ANKRD44: variants seen among roughly 807,000 people sequenced by gnomAD.
ANKRD44 encodes the protein ankyrin repeat domain 44.
Under a neutral mutation model 116.0 loss-of-function variants are expected in ANKRD44, and 35 were observed. The observed-to-expected ratio is 0.30, with a 90% CI of 0.23 to 0.40. The LOEUF (loss-of-function observed/expected upper bound fraction) is 0.40, where lower values mean the gene tolerates loss of function less well. Ranked by LOEUF, ANKRD44 falls within the 10% of genes least tolerant of loss-of-function variation. The probability of loss-of-function intolerance (pLI) is 1.00; values close to 1 mark genes in which losing one functional copy is unlikely to be tolerated. For synonymous variants in ANKRD44, 435 were observed against 461.8 expected, an observed-to-expected ratio of 0.94 and a Z score of 0.74; for missense variants, 1,014 against 1,242.6, an observed-to-expected ratio of 0.82 and a Z score of 2.77.
Position 197,212,891 on chromosome 2 carries a change from GA to G in ANKRD44, c.28-25786del. Among the ~76,000 whole-genome samples, 1 of 152,168 alleles carries G rather than the reference GA, an allele frequency of 6.6e-6. No homozygotes were observed. Among genetic ancestry groups the G allele is most frequent in the Admixed American group, 6.5e-5 (1 of 15,272 alleles). On this transcript the variant is annotated intron_variant, in intron 1 of 27. Coordinates refer to ENST00000282272, the MANE Select transcript of ANKRD44 (RefSeq NM_001195144.2). The surrounding 1 kb of genome is among the most constrained non-coding windows in gnomAD (Gnocchi z 4.8). ...ACAGCTTCCTCTGCATCTCATTCCAGAAAGCTTTTCACAGTGTGAACATCTC... is the reference window on the plus strand; with the variant it reads ...ACAGCTTCCTCTGCATCTCATTCCAGAAGCTTTTCACAGTGTGAACATCTC...
downstream of ANKRD44, among the ~76,000 whole-genome samples, chr2:196,985,544 A>G (rs1254483782): frequency 6.6e-6 from 1 of 152,182 alleles, no homozygotes; most frequent in Non-Finnish European, 1.5e-5. Flanking sequence ...AAAAAACAAA[A>G]CATTATATGG....
chr2:197,026,043 G>GAAACA (rs1553489097), intron 16 of ANKRD44, among the ~76,000 whole-genome samples: 9 of 22,676 alleles, frequency 4.0e-4, no homozygotes, highest in Admixed American at 3.7e-3. Context: ...GAGATAAAAA[G>GAAACA]AAACAAAAAA....
chr2:197,275,886 T>C (rs2083067885), intron 1 of ANKRD44, among the ~76,000 whole-genome samples: 1 of 152,226 alleles, frequency 6.6e-6, no homozygotes. Flanking sequence ...ATCTTAACTA[T>C]GCATTTCATA....
intron 1 of ANKRD44, among the ~76,000 whole-genome samples, chr2:197,276,478 G>GTT (rs2083088587): frequency 6.6e-6 from 1 of 151,586 alleles, no homozygotes; most frequent in Non-Finnish European, 1.5e-5. Flanking sequence ...TATTTCTAGG[G>GTT]TTATATATAA....
intron 17 of ANKRD44, among the ~76,000 whole-genome samples, chr2:197,014,513 C>T (rs187772067): frequency 9.5e-4 from 145 of 152,240 alleles, no homozygotes; most frequent in Non-Finnish European, 8.8e-4. Context: ...GCTTGTCAGA[C>T]ACGGTGGCTC....
chr2:197,297,071 C>A (rs1019883571), intron 1 of ANKRD44, among the ~76,000 whole-genome samples: 7 of 152,130 alleles, frequency 4.6e-5, no homozygotes, highest in African/African-American at 1.7e-4. Context: ...TTTCAAAGTT[C>A]TTTTTGACAA....
At chr2:197,171,762 T>C (rs1175951768) in intron 2 of ANKRD44, among the ~76,000 whole-genome samples, 1 of 152,106 alleles carries the variant, frequency 6.6e-6, no homozygotes, top group East Asian at 1.9e-4. Flanking sequence ...GGGTGGGATG[T>C]TAATAGCGGG....
chr2:197,251,306 G>A (rs374437579), intron 1 of ANKRD44, among the ~76,000 whole-genome samples: 2 of 152,004 alleles, frequency 1.3e-5, no homozygotes, highest in East Asian at 3.9e-4. Flanking sequence ...TATCATCATC[G>A]AAATAACAGC....
rs540613107 is a variant in ANKRD44, at chr2:197,093,561, G to A, written c.1101-3529C>T. ...CAGTGCAGGATTTGAAAACAGATTC[G>A]CATAGACTCAAATACTATTGGCATT... On this transcript the variant is annotated intron_variant, in intron 10 of 27. Transcript: ENST00000282272. 2.6e-5 allele frequency among the ~76,000 whole-genome samples: 4 copies of A among 152,164 alleles called. No individual in the cohort carries two copies. In the South Asian group the frequency reaches 6.2e-4, roughly 24 times the overall value.
chr2:197,002,302 T>C (rs1314018146), intron 21 of ANKRD44, among the ~76,000 whole-genome samples: 1 of 152,224 alleles, frequency 6.6e-6, no homozygotes. Flanking sequence ...AAATTGACTA[T>C]AAAATACTAT....
At chr2:197,216,199 G>A (rs1181300851) in intron 1 of ANKRD44, among the ~76,000 whole-genome samples, 1 of 152,184 alleles carries the variant, frequency 6.6e-6, no homozygotes, top group East Asian at 1.9e-4. Flanking sequence ...ATGCAGTCTG[G>A]TATAGTTTTC....
rs145584180 is a variant in ANKRD44 at position 197,189,498 on chromosome 2, G to A, written c.28-2392C>T. Reference sequence around the variant, plus strand: ...CTACCTGCTAACCAAGTCTCCGTTCGGGTTACATCTGCCCCGTGGCAAGGA... The same window carrying A: ...CTACCTGCTAACCAAGTCTCCGTTCAGGTTACATCTGCCCCGTGGCAAGGA... On this transcript the variant is annotated intron_variant, in intron 1 of 27. Coordinates refer to ENST00000282272, the MANE Select transcript of ANKRD44 (RefSeq NM_001195144.2). Among the ~76,000 whole-genome samples the A allele has an allele frequency of 4.6e-5, 7 of 152,278 alleles. No homozygotes were observed. The East Asian group carries it at 1.3e-3, about 29-fold the overall frequency.
intron 1 of ANKRD44, among the ~76,000 whole-genome samples, chr2:197,298,633 C>T (rs2083796806): frequency 6.6e-6 from 1 of 152,074 alleles, no homozygotes; most frequent in African/African-American, 2.4e-5. Flanking sequence ...TGAGAAAATG[C>T]TAAAGTAGGC....
chr2:197,071,657 T>C (rs1359905811), intron 16 of ANKRD44, among the ~76,000 whole-genome samples: 2 of 152,218 alleles, frequency 1.3e-5, no homozygotes, highest in African/African-American at 4.8e-5. Flanking sequence ...GAACTAAATA[T>C]GTATTCTCAT....
intron 2 of ANKRD44, among the ~76,000 whole-genome samples, chr2:197,156,610 G>A (rs2079822019): frequency 6.6e-6 from 1 of 152,142 alleles, no homozygotes; most frequent in African/African-American, 2.4e-5. Flanking sequence ...GGTATTTACT[G>A]GAAAGAAATG....
chr2:197,081,041 G>A (rs925819056), intron 15 of ANKRD44, among the ~76,000 whole-genome samples: 104 of 152,212 alleles, frequency 6.8e-4, no homozygotes, highest in African/African-American at 2.5e-3. Context: ...AAGCTGTAGA[G>A]GTTCCCGTGC....
chr2:197,181,417 G>A (rs973479295), intron 2 of ANKRD44, among the ~76,000 whole-genome samples: 4 of 152,120 alleles, frequency 2.6e-5, no homozygotes, highest in South Asian at 2.1e-4. Flanking sequence ...TTTAAAAAAC[G>A]AAATAAACAT....
chr2:197,113,616 C>T (rs2125289268), intron 8 of ANKRD44, among the ~76,000 whole-genome samples: 1 of 152,292 alleles, frequency 6.6e-6, no homozygotes, highest in African/African-American at 2.4e-5. Flanking sequence ...ATCTAAGTTG[C>T]AGGCAGAGAG....
At chr2:197,266,489 C>T (rs1407605993) in intron 1 of ANKRD44, among the ~76,000 whole-genome samples, 1 of 152,018 alleles carries the variant, frequency 6.6e-6, no homozygotes, top group Non-Finnish European at 1.5e-5. Context: ...ATTACACAAA[C>T]ATTAAATCAC....
Sources: gnomAD v4.1 joint callset for allele counts (sites outside exome capture counted in the v4.1 genomes callset) on GRCh38, gnomAD v4.1.1 for gene constraint, Gnocchi (gnomAD v3.1) non-coding constraint, MANE v1.5 for transcripts, NCBI Gene and HGNC (gene_info 2026-07-23, HGNC 2026-07-21) for gene names.